DTNA: variants seen among roughly 807,000 people sequenced by gnomAD.
DTNA encodes dystrobrevin alpha.
DTNA carries 43 observed loss-of-function variants against 100.7 expected under a neutral mutation model. The observed-to-expected ratio is 0.43, with a 90% CI of 0.33 to 0.55. The LOEUF is 0.55. DTNA is among the 20% of genes least tolerant of loss of function. DTNA has a pLI of 0.04. For missense variants in DTNA, 798 were observed against 953.9 expected (o/e 0.84, Z 2.15); for synonymous variants, 349 against 347.9 (o/e 1.00, Z -0.04).
chr18:34,666,447 T>A (rs1483849398), intron 1 of DTNA, among the ~76,000 whole-genome samples: 1 of 152,004 alleles, frequency 6.6e-6, no homozygotes, highest in Non-Finnish European at 1.5e-5. Flanking sequence ...TTGTCAATTT[T>A]GGCTTTTGTT....
At chr18:34,737,429 G>A (rs1355516305) in intron 1 of DTNA, among the ~76,000 whole-genome samples, 1 of 152,132 alleles carries the variant, frequency 6.6e-6, no homozygotes, top group Non-Finnish European at 1.5e-5. Flanking sequence ...TATATTTGAA[G>A]CCATAAGGCT....
chr18:34,615,761 G>C (rs2055147432), intron 1 of DTNA, among the ~76,000 whole-genome samples: 1 of 152,070 alleles, frequency 6.6e-6, no homozygotes, highest in Non-Finnish European at 1.5e-5. Context: ...CTCTGAAGTA[G>C]GCCCTGGTAT....
chr18:34,600,967 A>C (rs1361368608), intron 1 of DTNA, among the ~76,000 whole-genome samples: 2 of 152,226 alleles, frequency 1.3e-5, no homozygotes, highest in African/African-American at 4.8e-5. Flanking sequence ...CCATGTGGCC[A>C]CACCTAACTT....
intron 1 of DTNA, among the ~76,000 whole-genome samples, chr18:34,615,017 T>G (rs1443005383): frequency 6.6e-6 from 1 of 152,222 alleles, no homozygotes; most frequent in Non-Finnish European, 1.5e-5. Context: ...TACGTCATTC[T>G]TGCATTGCTA....
intron 21 of DTNA, 92 bp downstream of exon 21, chr18:34,882,293 C>G (rs1223444206): frequency 6.6e-7 from 1 of 1,521,450 alleles, no homozygotes; most frequent in African/African-American, 1.4e-5. Context: ...TCAGAGCCTT[C>G]TTCCTTCCAC....
At chr18:34,829,141 G>T (rs2095936766) in intron 10 of DTNA, 3 of 1,613,906 alleles carry the variant, frequency 1.9e-6, no homozygotes. Flanking sequence ...TTCCTCCAGG[G>T]TGCATGGTAC....
chr18:34,884,486 A>G (rs571604815), intron 21 of DTNA, among the ~76,000 whole-genome samples: 2 of 151,936 alleles, frequency 1.3e-5, no homozygotes, highest in Admixed American at 6.5e-5. Flanking sequence ...AAGCTGGGAG[A>G]CTATAACAGG....
chr18:34,877,660 A>T lies in DTNA; in HGVS notation c.1904-59A>T, dbSNP rs1189294498. ...TTAATGGGAAGGATAAATAAACAAC[A>T]TAAAAATTTAGGATAGAAGGAAGCT... On this transcript the variant is annotated intron_variant, in intron 18 of 22. Transcript: ENST00000444659. 2.0e-6 allele frequency: 3 copies of T among 1,483,044 alleles called. No homozygotes were observed. The African/African-American group carries it at 4.2e-5, about 21-fold the overall frequency. 91.9% of individuals were successfully genotyped at this position (1,483,044 alleles called of 1,614,324 possible).
intron 1 of DTNA, among the ~76,000 whole-genome samples, chr18:34,681,748 C>CCACACACACACCG (rs1270845308): frequency 6.6e-6 from 1 of 150,988 alleles, no homozygotes; most frequent in East Asian, 1.9e-4. Context: ...CACACACACC[C>CCACACACACACCG]TATGGACATC....
chr18:34,686,835 G>T (rs1439498456), intron 1 of DTNA, among the ~76,000 whole-genome samples: 1 of 152,000 alleles, frequency 6.6e-6, no homozygotes, highest in Non-Finnish European at 1.5e-5. Context: ...TTTGTTATTG[G>T]TCTGTTCAGG....
chr18:34,555,841 T>A (rs1426025798), intron 1 of DTNA, among the ~76,000 whole-genome samples: 1 of 152,218 alleles, frequency 6.6e-6, no homozygotes, highest in Admixed American at 6.5e-5. Flanking sequence ...AAAAAATGTA[T>A]ATTCTGTTGA....
At chr18:34,729,347 T>TAA (rs2087524055) in intron 1 of DTNA, among the ~76,000 whole-genome samples, 1 of 152,180 alleles carries the variant, frequency 6.6e-6, no homozygotes, top group Non-Finnish European at 1.5e-5. Context: ...TGTTTTGTCT[T>TAA]CCTTGAGTTC....
At chr18:34,564,112 G>C (rs897283893) in intron 1 of DTNA, among the ~76,000 whole-genome samples, 1 of 151,526 alleles carries the variant, frequency 6.6e-6, no homozygotes, top group Non-Finnish European at 1.5e-5. Context: ...TCGTATAATT[G>C]CAAGTTTGTG....
At chr18:34,829,596 A>C (rs1194468791) in intron 11 of DTNA, 107 bp downstream of exon 11, 2 of 1,181,868 alleles carry the variant, frequency 1.7e-6, no homozygotes, top group Non-Finnish European at 2.3e-6. Flanking sequence ...GTCTTATTGG[A>C]GATAGAGGTC....
At chr18:34,666,103 T>A (rs2075885489) in intron 1 of DTNA, among the ~76,000 whole-genome samples, 1 of 152,230 alleles carries the variant, frequency 6.6e-6, no homozygotes, top group African/African-American at 2.4e-5. Flanking sequence ...TGACTTTTAA[T>A]GATTGCTATT....
chr18:34,710,981 G>C (rs1433006715), intron 1 of DTNA, among the ~76,000 whole-genome samples: 2 of 151,924 alleles, frequency 1.3e-5, no homozygotes, highest in Non-Finnish European at 2.9e-5. Context: ...CATCTAACAT[G>C]TATAGTCCGG....
chr18:34,531,992 A>G (rs148334850), intron 1 of DTNA, among the ~76,000 whole-genome samples: 1 of 152,254 alleles, frequency 6.6e-6, no homozygotes, highest in East Asian at 1.9e-4. Context: ...GAAGAATGAA[A>G]ATGCTTTTTC....
chr18:34,641,431 C>G (rs1053077919), intron 1 of DTNA, among the ~76,000 whole-genome samples: 9 of 152,318 alleles, frequency 5.9e-5, no homozygotes, highest in Admixed American at 5.2e-4. Flanking sequence ...AGACTTATTC[C>G]GTTTACCCAG....
intron 1 of DTNA, among the ~76,000 whole-genome samples, chr18:34,559,933 T>G (rs1443541686): frequency 6.6e-6 from 1 of 152,228 alleles, no homozygotes. Flanking sequence ...TGTTTTAGAA[T>G]TATTATGATT....
Sources: allele counts gnomAD v4.1 joint callset (sites outside exome capture counted in the v4.1 genomes callset), GRCh38; gene constraint gnomAD v4.1.1; transcripts MANE v1.5; gene names NCBI Gene and HGNC (gene_info 2026-07-23, HGNC 2026-07-21).